Variants in GRID1 observed in about 807,000 individuals in gnomAD.
The protein encoded by GRID1 is glutamate receptor ionotropic, delta-1.
Under a neutral mutation model 98.0 loss-of-function variants are expected in GRID1, and 28 were observed. That is an observed-to-expected ratio of 0.29 (90% CI 0.21 to 0.39). GRID1 has a LOEUF of 0.39. GRID1 is among the 10% of genes least tolerant of loss of function. The pLI is 1.00. For missense variants in GRID1, 1,111 were observed against 1,340.5 expected (o/e 0.83, Z 2.67); for synonymous variants, 553 against 538.5 (o/e 1.03, Z -0.37).
chr10:86,133,471 G>A lies in GRID1; in HGVS notation c.726+5348C>T, dbSNP rs538923345. ...GGGCCCAGGAACGTCCCACCTGCAGGAGCAGCCCTGGCCTCATTTGCTGAG... is the reference window on the plus strand; with the variant it reads ...GGGCCCAGGAACGTCCCACCTGCAGAAGCAGCCCTGGCCTCATTTGCTGAG... On this transcript the variant is annotated intron_variant, in intron 4 of 15. Coordinates refer to ENST00000327946, the MANE Select transcript of GRID1 (RefSeq NM_017551.3). 4.6e-5 allele frequency among the ~76,000 whole-genome samples: 7 copies of A among 152,298 alleles called. No homozygotes were observed. The East Asian group carries it at 9.7e-4, about 21-fold the overall frequency.
intron 2 of GRID1, among the ~76,000 whole-genome samples, chr10:86,220,268 G>A (rs1378712296): frequency 6.6e-6 from 1 of 152,162 alleles, no homozygotes; most frequent in Non-Finnish European, 1.5e-5. Flanking sequence ...AGGCTCTCCA[G>A]AACTCTCAGA....
At chr10:86,249,495 C>T (rs192523351) in intron 2 of GRID1, among the ~76,000 whole-genome samples, 16 of 152,344 alleles carry the variant, frequency 1.1e-4, no homozygotes, top group South Asian at 6.2e-4. Context: ...TCAGACCAGC[C>T]GCACAACAGT....
chr10:85,969,113 A>G (rs1842375302), intron 4 of GRID1, among the ~76,000 whole-genome samples: 1 of 152,212 alleles, frequency 6.6e-6, no homozygotes, highest in African/African-American at 2.4e-5. Flanking sequence ...TTTTATAATG[A>G]TAAAGTGTCC....
At chr10:86,029,124 G>A (rs544624635) in intron 4 of GRID1, among the ~76,000 whole-genome samples, 56 of 152,286 alleles carry the variant, frequency 3.7e-4, no homozygotes, top group Admixed American at 3.6e-3. Flanking sequence ...CCTCCTTCAA[G>A]CTTCTAATTG....
intron 8 of GRID1, among the ~76,000 whole-genome samples, chr10:85,839,660 G>A (rs1649734030): frequency 6.6e-6 from 1 of 152,102 alleles, no homozygotes; most frequent in Non-Finnish European, 1.5e-5. Flanking sequence ...ATGCCCACAT[G>A]AAAAGGTTAG....
intron 8 of GRID1, among the ~76,000 whole-genome samples, chr10:85,787,414 G>A (rs1022442520): frequency 3.9e-5 from 6 of 152,084 alleles, no homozygotes; most frequent in Non-Finnish European, 5.9e-5. Context: ...TGAAGCTAGC[G>A]GCCTGAGTAG....
chr10:86,243,240 G>A (rs1846666836), intron 2 of GRID1, among the ~76,000 whole-genome samples: 1 of 152,172 alleles, frequency 6.6e-6, no homozygotes, highest in Non-Finnish European at 1.5e-5. Flanking sequence ...TACCACCAAG[G>A]CCCAGAGGCC....
intron 2 of GRID1, among the ~76,000 whole-genome samples, chr10:86,256,425 A>G (rs956238637): frequency 2.6e-5 from 4 of 152,186 alleles, no homozygotes; most frequent in African/African-American, 9.7e-5. Context: ...TGATGGCACC[A>G]CTGCACTCCA....
chr10:86,007,544 G>A (rs1313040251), intron 4 of GRID1, among the ~76,000 whole-genome samples: 3 of 152,194 alleles, frequency 2.0e-5, no homozygotes, highest in South Asian at 2.1e-4. Flanking sequence ...GTGCCAAAGC[G>A]AGATGTCAGG....
At chr10:85,831,879 C>T (rs1293599397) in intron 8 of GRID1, among the ~76,000 whole-genome samples, 2 of 151,660 alleles carry the variant, frequency 1.3e-5, no homozygotes, top group African/African-American at 4.8e-5. Context: ...ATTATCTAAC[C>T]ACACATAGCA....
chr10:85,970,141 A>G (rs1842388203), intron 4 of GRID1, among the ~76,000 whole-genome samples: 1 of 152,102 alleles, frequency 6.6e-6, no homozygotes, highest in Non-Finnish European at 1.5e-5. Flanking sequence ...TCCTGAATAT[A>G]CCTATAACAA....
intron 12 of GRID1, among the ~76,000 whole-genome samples, chr10:85,711,864 GT>G (rs1246557088): frequency 6.6e-6 from 1 of 151,656 alleles, no homozygotes; most frequent in Non-Finnish European, 1.5e-5. Flanking sequence ...CAGGGTGTAG[GT>G]GGAACAGAAC....
intron 13 of GRID1, among the ~76,000 whole-genome samples, chr10:85,625,606 G>C (rs963198467): frequency 1.3e-5 from 2 of 152,162 alleles, no homozygotes; most frequent in African/African-American, 4.8e-5. Context: ...AGACCACCCA[G>C]CCTTGTCCCC....
chr10:85,991,230 G>A (rs543981663), intron 4 of GRID1, among the ~76,000 whole-genome samples: 1 of 152,174 alleles, frequency 6.6e-6, no homozygotes, highest in African/African-American at 2.4e-5. Flanking sequence ...GAATACAAGG[G>A]AAAGGGGGAG....
At chr10:85,610,251 A>C (rs759811533) in intron 15 of GRID1, among the ~76,000 whole-genome samples, 2 of 152,234 alleles carry the variant, frequency 1.3e-5, no homozygotes, top group Non-Finnish European at 2.9e-5. Flanking sequence ...GGTTTTAAGA[A>C]TATGCTTCTA....
intron 4 of GRID1, among the ~76,000 whole-genome samples, chr10:86,111,978 G>C (rs886990389): frequency 3.3e-5 from 5 of 151,974 alleles, no homozygotes; most frequent in African/African-American, 1.2e-4. Context: ...AAAGACATGG[G>C]CCACCATGAG....
rs561494352 is a variant in GRID1 at position 85,934,579 on chromosome 10, T to C, written c.727-18340A>G. 4.6e-5 allele frequency among the ~76,000 whole-genome samples: 7 copies of C among 152,322 alleles called. No homozygotes were observed. The South Asian group carries it at 1.2e-3, about 27-fold the overall frequency. On this transcript the variant is annotated intron_variant, in intron 4 of 15. Transcript: ENST00000327946. ...TTAGTGCTCTGGGACAAAAATCATA[T>C]GTTGTTCTCAACAAAACCACTTTAC... is the stretch of plus-strand genomic sequence containing the variant.
chr10:85,875,254 C>T (rs1463137923), intron 5 of GRID1, among the ~76,000 whole-genome samples: 4 of 152,040 alleles, frequency 2.6e-5, no homozygotes, highest in Non-Finnish European at 4.4e-5. Context: ...CATATAGATA[C>T]CCTATTTATT....
At chr10:85,690,534 A>G (rs917650630) in intron 12 of GRID1, among the ~76,000 whole-genome samples, 4 of 152,190 alleles carry the variant, frequency 2.6e-5, no homozygotes, top group African/African-American at 9.6e-5. Context: ...TACTGCTGAA[A>G]TCAAGACATA....
Sources: gnomAD v4.1 joint callset for allele counts (sites outside exome capture counted in the v4.1 genomes callset) on GRCh38, gnomAD v4.1.1 for gene constraint, MANE v1.5 for transcripts, NCBI Gene and HGNC (gene_info 2026-07-23, HGNC 2026-07-21) for gene names.